The following PHRF1 variants were observed in gnomAD, a reference collection of about 807,000 sequenced individuals.
The protein encoded by PHRF1 is PHD and RING finger domain-containing protein 1.
PHRF1 carries 53 observed loss-of-function variants against 128.9 expected under a neutral mutation model. The observed-to-expected ratio is 0.41, with a 90% CI of 0.33 to 0.52. The LOEUF is 0.52. Ranked by LOEUF, PHRF1 falls within the 20% of genes least tolerant of loss-of-function variation. The pLI is 0.21. For synonymous variants in PHRF1, 1,178 were observed against 980.6 expected (o/e 1.20, Z -3.76); for missense variants, 2,503 against 2,284.5 (o/e 1.10, Z -1.95).
At chr11:588,389 G>GT (rs1186142637) in intron 4 of PHRF1, among the ~76,000 whole-genome samples, 4 of 146,368 alleles carry the variant, frequency 2.7e-5, no homozygotes, top group South Asian at 2.2e-4. Flanking sequence ...TTTTTTTTTT[G>GT]TTTTTTTGAG....
In PHRF1 at chr11:609,478, C is replaced by G; in HGVS notation, c.4022C>G (p.Thr1341Ser). 6.2e-7 allele frequency: 1 copy of G among 1,605,298 alleles called. No individual in the cohort carries two copies. Among genetic ancestry groups the G allele is most frequent in the Non-Finnish European group, 8.5e-7 (1 of 1,179,424 alleles). The change falls in exon 14 of 18, where the codon ACC becomes AGC. Residue 1341 changes from threonine to serine, a missense_variant. By Grantham distance (58) the Thr-to-Ser change is moderately conservative. Transcript: ENST00000264555. Reference sequence around the variant, plus strand: ...CAGCCCCCACCCCTGCCAGAGGGCACCCAGGAGCCACATTTGCTCAGGCCG... The same window carrying G: ...CAGCCCCCACCCCTGCCAGAGGGCAGCCAGGAGCCACATTTGCTCAGGCCG... ...PSQPPPLPEG[T>S]QEPHLLRPDA...
chr11:599,677 A>G (rs1340305178), intron 9 of PHRF1, among the ~76,000 whole-genome samples: 2 of 152,204 alleles, frequency 1.3e-5, no homozygotes, highest in Non-Finnish European at 2.9e-5. Context: ...CAGCCCCACC[A>G]GCAGCCCTGT....
chr11:577,158 C>T (rs541589937), intron 1 of PHRF1, among the ~76,000 whole-genome samples: 1 of 152,348 alleles, frequency 6.6e-6, no homozygotes, highest in South Asian at 2.1e-4. Context: ...TATTCCTTAA[C>T]TCTTGCAGTC....
rs1278442270 is a variant in PHRF1, at chr11:607,442, G to C, written c.1986G>C (p.Val662=). 6.2e-7 allele frequency: 1 copy of C among 1,612,840 alleles called. No homozygotes were observed. Among genetic ancestry groups the C allele is most frequent in the Non-Finnish European group, 8.5e-7 (1 of 1,179,884 alleles). ...RDSKPPCRSV[V]PGPPLKPAPR... ...CTAAGCCCCCATGTCGCAGTGTGGT[G>C]CCGGGGCCTCCCCTGAAGCCAGCGC... The change falls in exon 14 of 18, where the codon GTG becomes GTC. Residue 662 remains valine, a synonymous_variant. Coordinates refer to ENST00000264555, the MANE Select transcript of PHRF1 (RefSeq NM_001286581.2).
In PHRF1 at chr11:608,578, G is replaced by A. The variant is rs1270699279; in HGVS notation, c.3122G>A (p.Arg1041His). Residue 1041 changes from arginine to histidine, a missense_variant, in exon 14 of 18, where the codon CGC becomes CAC. Arg to His is a conservative substitution (Grantham distance 29, BLOSUM62 0). Coordinates refer to ENST00000264555, the MANE Select transcript of PHRF1 (RefSeq NM_001286581.2). ...GCGTCACCATCAGTGGGTGAGGAGC[G>A]CCCCAGGAGGCAGCGGTCCAAGGCC... is the stretch of plus-strand genomic sequence containing the variant. ...RSASPSVGEE[R>H]PRRQRSKAKS... The A allele has an allele frequency of 2.3e-5, 37 of 1,612,080 alleles. No individual in the cohort carries two copies. The highest frequency in any genetic ancestry group is 1.3e-4 in the East Asian group (6 of 44,880).
At chr11:594,329 C>T (rs73396320) in intron 6 of PHRF1, among the ~76,000 whole-genome samples, 5,985 of 152,348 alleles carry the variant, frequency 0.039, 406 homozygotes, top group African/African-American at 0.14. Context: ...CATCGCAGGC[C>T]AGGGCCGTGA....
intron 3 of PHRF1, among the ~76,000 whole-genome samples, chr11:584,652 C>T (rs758348969): frequency 1.1e-4 from 17 of 151,586 alleles, no homozygotes; most frequent in Middle Eastern, 3.5e-3. Flanking sequence ...CTGAGCGCCC[C>T]GAAGGAAGGG....
At chr11:585,301 GCC>G in intron 3 of PHRF1, among the ~76,000 whole-genome samples, 1 of 60,010 alleles carries the variant, frequency 1.7e-5, no homozygotes, top group African/African-American at 7.1e-5. Context: ...TGAGGTAGTA[GCC>G]CTTTCCAGCT....
At chr11:595,990 CA>C (rs1195415163) in intron 6 of PHRF1, among the ~76,000 whole-genome samples, 2 of 152,202 alleles carry the variant, frequency 1.3e-5, no homozygotes, top group Admixed American at 1.3e-4. Flanking sequence ...ATGGCCCTAG[CA>C]AGGGCCACAC....
chr11:597,839 C>G lies in PHRF1; in HGVS notation c.894+269C>G, dbSNP rs1008924342. On this transcript the variant is annotated intron_variant, in intron 8 of 17. Coordinates refer to ENST00000264555, the MANE Select transcript of PHRF1 (RefSeq NM_001286581.2). The surrounding 1 kb of genome is among the most constrained non-coding windows in gnomAD (Gnocchi z 6.5). ...GCGGGGTGGGGGCTCTAGGAAACCC[C>G]CCTTGTTCCCCAGGCCCCATGCCAG... Among the ~76,000 whole-genome samples the G allele has an allele frequency of 1.3e-5, 2 of 152,124 alleles. No homozygotes were observed. The highest frequency in any genetic ancestry group is 3.9e-4 in the East Asian group (2 of 5,186).
Position 610,577 on chromosome 11 carries a change from C to T in PHRF1, c.4493C>T (p.Thr1498Met), listed in dbSNP as rs755121144. ...IPPCALVSQP[T>M]VQFILQGSLP... The stretch of plus-strand genomic sequence containing the variant: ...CCCTGCGCACTGGTCAGCCAGCCCA[C>T]GGTCCAGTTCATCCTTCAGGGGAGC... The change falls in exon 16 of 18, where the codon ACG (threonine) becomes ATG (methionine). Residue 1498 changes from threonine (T) to methionine (M), a missense_variant. Transcript: ENST00000264555. 25 of 1,606,188 alleles carry T rather than the reference C, an allele frequency of 1.6e-5. No homozygotes were observed. Among genetic ancestry groups the T allele is most frequent in the East Asian group, 1.1e-4 (5 of 44,874 alleles).
rs58446691 is a variant in PHRF1, at chr11:604,978, A to C, written c.1153-141A>C. ...TCCTGCTTGTCGGTCATCATGCCTG[A>C]GAAGCCCATTGACTTTGGCTTAGTA... On this transcript the variant is annotated intron_variant, in intron 10 of 17. Coordinates refer to ENST00000264555, the MANE Select transcript of PHRF1 (RefSeq NM_001286581.2). 0.011 allele frequency: 9,203 copies of C among 809,004 alleles called. 613 individuals are homozygous for C. The African/African-American group carries it at 0.14, about 12-fold the overall frequency. 50.1% of individuals were successfully genotyped at this position (809,004 alleles called of 1,614,324 possible). A position where few individuals can be genotyped will look rare whatever the true frequency, so the allele number is the denominator to read the frequency against.
intron 4 of PHRF1, among the ~76,000 whole-genome samples, chr11:588,632 G>A (rs1267883507): frequency 1.3e-5 from 2 of 152,042 alleles, no homozygotes; most frequent in Non-Finnish European, 2.9e-5. Flanking sequence ...ACCCGTCTCG[G>A]CCTCCCAAAC....
chr11:598,624 T>C (rs1253244361), intron 9 of PHRF1, 122 bp downstream of exon 9: 1 of 1,407,964 alleles, frequency 7.1e-7, no homozygotes, highest in Non-Finnish European at 9.4e-7. Flanking sequence ...GTTAATCTTC[T>C]CTGCTGAAAA....
chr11:601,519 T>TG lies in PHRF1; in HGVS notation c.1025-51dup. On this transcript the variant is annotated intron_variant, in intron 9 of 17. Transcript: ENST00000264555. ...GTCCACTGGGCTGGACTCACAGGAA[T>TG]GGGGCAGGGAGGGCCCAGCACAGAG... 2 of 1,607,386 alleles carry TG rather than the reference T, an allele frequency of 1.2e-6. 1 individual carries two copies.
chr11:584,369 G>A (rs1854398545), intron 3 of PHRF1, among the ~76,000 whole-genome samples: 1 of 152,224 alleles, frequency 6.6e-6, no homozygotes, highest in South Asian at 2.1e-4. Flanking sequence ...GAGTGAAGGT[G>A]GCGGGAGCCT....
Position 605,705 on chromosome 11 carries a change from G to A in PHRF1, c.1435G>A (p.Val479Ile), listed in dbSNP as rs749704896. The change falls in exon 12 of 18, where the codon GTC becomes ATC. Residue 479 changes from valine to isoleucine, a missense_variant. Val to Ile is a conservative substitution (Grantham distance 29). Coordinates refer to ENST00000264555, the MANE Select transcript of PHRF1 (RefSeq NM_001286581.2). Reference sequence around the variant, plus strand: ...GTCCCACCAGCCCGTGGCCAGGCCCGTCTCCGTGGGGCTTTCCAGGTGTGT... The same window carrying A: ...GTCCCACCAGCCCGTGGCCAGGCCCATCTCCGTGGGGCTTTCCAGGTGTGT... ...LQSHQPVARP[V>I]SVGLSRRRLP... The A allele has an allele frequency of 4.0e-5, 65 of 1,611,600 alleles. No individual in the cohort carries two copies. The East Asian group carries it at 8.7e-4, about 22-fold the overall frequency.
At chr11:605,896 C>T (rs1185962272) in intron 12 of PHRF1, among the ~76,000 whole-genome samples, 172 bp downstream of exon 12, 1 of 152,232 alleles carries the variant, frequency 6.6e-6, no homozygotes, top group East Asian at 1.9e-4. Flanking sequence ...GTGCTGCAGC[C>T]CATCCTGTGT....
rs1854636658 is a variant in PHRF1, at chr11:587,427, A to G, written c.383A>G (p.His128Arg). 6.2e-7 allele frequency: 1 copy of G among 1,613,460 alleles called. No homozygotes were observed. The highest frequency in any genetic ancestry group is 8.5e-7 in the Non-Finnish European group (1 of 1,179,886). The change falls in exon 4 of 18, where the codon CAT (histidine) becomes CGT (arginine). Residue 128 changes from histidine to arginine, a missense_variant. Coordinates refer to ENST00000264555, the MANE Select transcript of PHRF1 (RefSeq NM_001286581.2). The stretch of plus-strand genomic sequence containing the variant: ...GTGGGGACGCCGGAGAACTGTGCCC[A>G]TTACTTCTGCCTGGACTGCATTGTC... Reference protein sequence around the residue: ...QAVGTPENCAHYFCLDCIVEW... With the variant: ...QAVGTPENCARYFCLDCIVEW...
Sources: allele counts gnomAD v4.1 joint callset (sites outside exome capture counted in the v4.1 genomes callset), GRCh38; gene constraint gnomAD v4.1.1; non-coding constraint Gnocchi (gnomAD v3.1); transcripts MANE v1.5; gene names NCBI Gene and HGNC (gene_info 2026-07-23, HGNC 2026-07-21).